KCNH1: variants seen among roughly 807,000 people sequenced by gnomAD.
KCNH1 encodes potassium voltage-gated channel subfamily H member 1, also known as voltage-gated delayed rectifier potassium channel KCNH1.
Under a neutral mutation model 69.2 loss-of-function variants are expected in KCNH1, and 27 were observed. The ratio of observed to expected loss-of-function variants is 0.39; its 90% CI spans 0.29 to 0.54. The LOEUF is 0.54. Ranked by LOEUF, KCNH1 falls within the 20% of genes least tolerant of loss-of-function variation. The pLI is 0.68. For synonymous variants in KCNH1, 456 were observed against 487.7 expected, an observed-to-expected ratio of 0.93 and a Z score of 0.86; for missense variants, 798 against 1,261.6, an observed-to-expected ratio of 0.63 and a Z score of 5.57.
chr1:211,103,694 C>G, intron 2 of KCNH1, 92 bp from the exon 3 acceptor site: 1 of 790,292 alleles, frequency 1.3e-6, no homozygotes, highest in Middle Eastern at 3.5e-4. Context: ...CAGCACTGTG[C>G]TATGTACTGT....
At position 211,134,101 on chromosome 1, in the gene KCNH1, C is replaced by A. The variant is rs1396087061; in HGVS notation, c.-156G>T. 1 of 551,750 alleles carries A rather than the reference C, an allele frequency of 1.8e-6. No homozygotes were observed. Among genetic ancestry groups the A allele is most frequent in the Non-Finnish European group, 3.1e-6 (1 of 319,494 alleles). The allele number at this position is 551,750 out of a possible 1,614,324, so 34.2% of individuals were successfully genotyped here. ...GCTGGCGGCTCCCTCTGGCTGCTAC[C>A]CTCGCGCCCTCTTCGCGCCTCCCTC... On this transcript the variant is annotated 5_prime_UTR_variant, in exon 1 of 11. Transcript: ENST00000271751. The surrounding 1 kb of genome is among the most constrained non-coding windows in gnomAD (Gnocchi z 5.7).
intron 5 of KCNH1, among the ~76,000 whole-genome samples, chr1:211,078,934 A>AAAAAAAAAAAAAAAAG (rs1553377558): frequency 7.0e-6 from 1 of 142,366 alleles, no homozygotes; most frequent in Admixed American, 7.3e-5. Flanking sequence ...AAAAAAAAAA[A>AAAAAAAAAAAAAAAAG]AAAGAAAGAA....
intron 7 of KCNH1, among the ~76,000 whole-genome samples, chr1:210,895,035 G>A (rs1686833854): frequency 6.6e-6 from 1 of 152,118 alleles, no homozygotes; most frequent in Admixed American, 6.6e-5. Flanking sequence ...GTAAACTGGG[G>A]TAATCATAGG....
intron 10 of KCNH1, among the ~76,000 whole-genome samples, chr1:210,688,619 C>T (rs974352037): frequency 6.6e-6 from 1 of 152,242 alleles, no homozygotes; most frequent in East Asian, 1.9e-4. Context: ...TTTCACTCAT[C>T]CTCATTGCAG....
intron 7 of KCNH1, among the ~76,000 whole-genome samples, chr1:210,876,061 A>G (rs948784695): frequency 2.6e-5 from 4 of 152,204 alleles, no homozygotes; most frequent in African/African-American, 9.6e-5. Flanking sequence ...TTCTTCCGAA[A>G]TTGTGTTAAA....
At chr1:211,108,416 A>G (rs1691397817) in intron 1 of KCNH1, 1 of 152,110 alleles carries the variant, frequency 6.6e-6, no homozygotes, top group South Asian at 2.1e-4. Flanking sequence ...GTGTGTATAC[A>G]CATACTACAT....
At chr1:210,980,326 T>A (rs1688686038) in intron 6 of KCNH1, among the ~76,000 whole-genome samples, 1 of 152,136 alleles carries the variant, frequency 6.6e-6, no homozygotes, top group Non-Finnish European at 1.5e-5. Flanking sequence ...ACCTGTGTAA[T>A]GGGTGTTCAC....
intron 10 of KCNH1, among the ~76,000 whole-genome samples, chr1:210,685,939 T>G (rs1681399822): frequency 1.3e-5 from 2 of 152,240 alleles, no homozygotes; most frequent in South Asian, 4.1e-4. Flanking sequence ...TGGTTAAAGT[T>G]TCTGTCACTG....
At chr1:211,086,666 C>T (rs1690957725) in intron 4 of KCNH1, among the ~76,000 whole-genome samples, 2 of 152,156 alleles carry the variant, frequency 1.3e-5, no homozygotes, top group Admixed American at 1.3e-4. Flanking sequence ...CTTGACTCCA[C>T]AATGGCTGGT....
intron 3 of KCNH1, 72 bp from the exon 4 acceptor site, chr1:211,090,762 G>A: frequency 7.7e-7 from 1 of 1,296,400 alleles, no homozygotes; most frequent in Non-Finnish European, 1.1e-6. Flanking sequence ...CAAAGACTTG[G>A]GAATGAATAG....
At chr1:210,822,280 AT>A (rs1684944526) in intron 7 of KCNH1, among the ~76,000 whole-genome samples, 1 of 152,082 alleles carries the variant, frequency 6.6e-6, no homozygotes, top group Non-Finnish European at 1.5e-5. Context: ...AAAGCAACTG[AT>A]TCAGAGCCCT....
At chr1:210,797,414 G>A in intron 9 of KCNH1, 94 bp downstream of exon 9, 1 of 1,392,734 alleles carries the variant, frequency 7.2e-7, no homozygotes, top group Non-Finnish European at 1.0e-6. Context: ...GCCCTATGAA[G>A]CAATCTCTAA....
At chr1:211,056,590 C>T (rs1690309111) in intron 5 of KCNH1, among the ~76,000 whole-genome samples, 1 of 152,130 alleles carries the variant, frequency 6.6e-6, no homozygotes, top group Non-Finnish European at 1.5e-5. Flanking sequence ...TGGGTGGGAC[C>T]CAGTGTTGTG....
intron 5 of KCNH1, among the ~76,000 whole-genome samples, chr1:211,075,412 T>C (rs1250739155): frequency 1.3e-5 from 2 of 152,226 alleles, no homozygotes; most frequent in East Asian, 1.9e-4. Flanking sequence ...GTGTCTCCAC[T>C]AGAGGTATGG....
intron 10 of KCNH1, among the ~76,000 whole-genome samples, chr1:210,742,662 G>T (rs1417971814): frequency 6.6e-6 from 1 of 152,184 alleles, no homozygotes; most frequent in Non-Finnish European, 1.5e-5. Flanking sequence ...TGTCCCTAGT[G>T]CCGCACCTTC....
intron 10 of KCNH1, among the ~76,000 whole-genome samples, chr1:210,773,064 T>C (rs1683782795): frequency 6.6e-6 from 1 of 152,218 alleles, no homozygotes; most frequent in African/African-American, 2.4e-5. Context: ...TTTCAACCTA[T>C]ATTATCAGCA....
At chr1:211,063,231 T>G (rs928041057) in intron 5 of KCNH1, among the ~76,000 whole-genome samples, 1 of 152,090 alleles carries the variant, frequency 6.6e-6, no homozygotes, top group Non-Finnish European at 1.5e-5. Context: ...ATGTTATTAA[T>G]CATGTGGGGG....
chr1:210,846,155 C>T (rs910261147), intron 7 of KCNH1, among the ~76,000 whole-genome samples: 3 of 152,130 alleles, frequency 2.0e-5, no homozygotes, highest in South Asian at 4.2e-4. Context: ...CCGTACTTCC[C>T]AAGGTAATTT....
chr1:210,928,523 A>T (rs1687617960), intron 6 of KCNH1, among the ~76,000 whole-genome samples: 1 of 152,200 alleles, frequency 6.6e-6, no homozygotes. Flanking sequence ...ACCAAACAAC[A>T]ATAGTGAAAC....
Sources: gnomAD v4.1 joint callset for allele counts (sites outside exome capture counted in the v4.1 genomes callset) on GRCh38, gnomAD v4.1.1 for gene constraint, Gnocchi (gnomAD v3.1) non-coding constraint, MANE v1.5 for transcripts, NCBI Gene and HGNC (gene_info 2026-07-23, HGNC 2026-07-21) for gene names.